SOCS2: variants seen among roughly 807,000 people sequenced by gnomAD.
SOCS2 encodes CIS-2.
SOCS2 carries 10 observed loss-of-function variants against 18.6 expected under a neutral mutation model. The observed-to-expected ratio is 0.54, with a 90% CI of 0.33 to 0.91. The LOEUF (loss-of-function observed/expected upper bound fraction) is 0.91, where lower values mean the gene tolerates loss of function less well. Among genes scored for constraint, SOCS2 ranks in the 40% least tolerant of loss-of-function variants. The pLI, the probability that SOCS2 is intolerant of heterozygous loss-of-function variation, is 0.02. For missense variants in SOCS2, 231 were observed against 247.2 expected, an observed-to-expected ratio of 0.93 and a Z score of 0.44; for synonymous variants, 104 against 104.0, an observed-to-expected ratio of 1.00 and a Z score of 0.00.
At chr12:93,596,223 T>A in the SOCS2 span, among the ~76,000 whole-genome samples, 3 of 152,218 alleles carry the variant, frequency 2.0e-5, no homozygotes, top group Non-Finnish European at 1.5e-5. Context: ...GCACTTTACA[T>A]ACATTATTTG....
chr12:93,614,536 C>CTTCTTTCT, the SOCS2 span, among the ~76,000 whole-genome samples: 1 of 60,920 alleles, frequency 1.6e-5, no homozygotes, highest in African/African-American at 9.5e-5. Context: ...TCCTTCCTTC[C>CTTCTTTCT]TTCCTTCTTT....
intron 1 of SOCS2, among the ~76,000 whole-genome samples, chr12:93,582,809 G>T (rs1167521921): frequency 6.6e-6 from 1 of 152,078 alleles, no homozygotes; most frequent in Non-Finnish European, 1.5e-5. Flanking sequence ...AGGATTTTTG[G>T]TCCCTTCCAA....
At chr12:93,595,746 T>C in the SOCS2 span, among the ~76,000 whole-genome samples, 4 of 152,244 alleles carry the variant, frequency 2.6e-5, no homozygotes, top group African/African-American at 4.8e-5. Context: ...GTTAATCTAA[T>C]AGAGTCTACA....
At chr12:93,603,560 C>T in the SOCS2 span, among the ~76,000 whole-genome samples, 1 of 152,164 alleles carries the variant, frequency 6.6e-6, no homozygotes, top group Non-Finnish European at 1.5e-5. Context: ...CCTCAAAGCA[C>T]TTTCGTTGAT....
chr12:93,607,557 G>T, the SOCS2 span, among the ~76,000 whole-genome samples: 1 of 152,182 alleles, frequency 6.6e-6, no homozygotes, highest in Non-Finnish European at 1.5e-5. Flanking sequence ...TCATTGCATG[G>T]TGCAATACTG....
Position 93,576,594 on chromosome 12 carries a change from T to G in SOCS2, c.*1415T>G, listed in dbSNP as rs1220328221. ...TGTTAGTCTGCATAACTGTTATAAA[T>G]GTACCATCTTTTCTAGAGTCCAGAC... On this transcript the variant is annotated 3_prime_UTR_variant, in exon 2 of 2. Coordinates refer to ENST00000551556, the MANE Select transcript of SOCS2 (RefSeq NM_001270471.2). The G allele has an allele frequency of 6.6e-6, 1 of 152,246 alleles. No homozygotes were observed. The highest frequency in any genetic ancestry group is 2.4e-5 in the African/African-American group (1 of 41,458). 9.4% of individuals were successfully genotyped at this position (152,246 alleles called of 1,614,324 possible). A position where few individuals can be genotyped will look rare whatever the true frequency, so the allele number is the denominator to read the frequency against.
At chr12:93,578,478 C>T (rs930224345), downstream of SOCS2, among the ~76,000 whole-genome samples, 1 of 152,116 alleles carries the variant, frequency 6.6e-6, no homozygotes, top group African/African-American at 2.4e-5. Context: ...CTGAAGTCTC[C>T]GTCTTTAAGT....
At chr12:93,582,976 ACTTC>A (rs977595293) in intron 1 of SOCS2, 2 of 147,438 alleles carry the variant, frequency 1.4e-5, no homozygotes, top group African/African-American at 5.0e-5. Context: ...TTGAAAATAT[ACTTC>A]CTTCTTAACT....
chr12:93,603,763 A>C, the SOCS2 span, among the ~76,000 whole-genome samples: 2 of 152,114 alleles, frequency 1.3e-5, no homozygotes, highest in Admixed American at 1.3e-4. Context: ...AGTTGTGTGG[A>C]ATGTAGTCTG....
the SOCS2 span, among the ~76,000 whole-genome samples, chr12:93,592,608 G>C: frequency 1.5e-3 from 225 of 152,328 alleles, no homozygotes; most frequent in African/African-American, 5.2e-3. Context: ...GCATATTTCA[G>C]ATGGAAATAA....
intron 1 of SOCS2, among the ~76,000 whole-genome samples, chr12:93,582,401 C>G (rs1014431800): frequency 6.6e-6 from 1 of 152,106 alleles, no homozygotes; most frequent in Non-Finnish European, 1.5e-5. Context: ...TTTATATCAT[C>G]CCTCTGGAGG....
At chr12:93,616,444 A>G in the SOCS2 span, among the ~76,000 whole-genome samples, 2 of 152,192 alleles carry the variant, frequency 1.3e-5, no homozygotes, top group African/African-American at 4.8e-5. Flanking sequence ...GTAGGAGCTA[A>G]TTAATTACTG....
At chr12:93,580,496 C>A (rs1044473488), downstream of SOCS2, among the ~76,000 whole-genome samples, 6 of 151,758 alleles carry the variant, frequency 4.0e-5, no homozygotes, top group African/African-American at 1.5e-4. Flanking sequence ...TGGCGCACAC[C>A]TATAGTCCCA....
the SOCS2 span, among the ~76,000 whole-genome samples, chr12:93,612,445 A>G: frequency 6.6e-6 from 1 of 150,998 alleles, no homozygotes; most frequent in Non-Finnish European, 1.5e-5. Context: ...CATATTTACA[A>G]CTCCTTGTGA....
chr12:93,601,108 C>CT, the SOCS2 span, among the ~76,000 whole-genome samples: 106,147 of 140,592 alleles, frequency 0.76, 40,200 homozygotes, highest in Middle Eastern at 0.83. Context: ...CTCTCTCTCT[C>CT]TTTTTTTTTT....
At chr12:93,573,161 C>T in intron 1 of SOCS2, 125 bp downstream of exon 1, 2 of 1,256,804 alleles carry the variant, frequency 1.6e-6, no homozygotes, top group Non-Finnish European at 2.2e-6. Flanking sequence ...TCCAAGGGAC[C>T]GCGGAGAGCA....
intron 1 of SOCS2, 124 bp downstream of exon 1, chr12:93,573,160 C>CGTATTTCCATCTTATT: frequency 7.9e-7 from 1 of 1,271,374 alleles, no homozygotes; most frequent in Non-Finnish European, 1.1e-6. Context: ...TTCCAAGGGA[C>CGTATTTCCATCTTATT]CGCGGAGAGC....
the SOCS2 span, among the ~76,000 whole-genome samples, chr12:93,601,405 G>C: frequency 6.6e-6 from 1 of 152,014 alleles, no homozygotes. Flanking sequence ...CTCCCAAGTA[G>C]CTGGGATTAC....
downstream of SOCS2, among the ~76,000 whole-genome samples, chr12:93,586,709 C>T (rs574768692): frequency 6.6e-6 from 1 of 152,106 alleles, no homozygotes; most frequent in South Asian, 2.1e-4. Context: ...TCTACTCTAA[C>T]CCAGATTGAA....
Sources: allele counts gnomAD v4.1 joint callset (sites outside exome capture counted in the v4.1 genomes callset), GRCh38; gene constraint gnomAD v4.1.1; transcripts MANE v1.5; gene names NCBI Gene and HGNC (gene_info 2026-07-23, HGNC 2026-07-21).